Variants in SAP130 observed in about 807,000 individuals in gnomAD.
SAP130 encodes Sin3A associated protein 130, also known as histone deacetylase complex subunit SAP130.
In SAP130, 16 loss-of-function variants were observed where a neutral mutation model predicts 103.2. The observed-to-expected ratio is 0.16, with a 90% CI of 0.10 to 0.24. SAP130 has a LOEUF of 0.24. Among genes scored for constraint, SAP130 ranks in the 10% least tolerant of loss-of-function variants. SAP130 has a pLI of 1.00. For missense variants in SAP130, 990 were observed against 1,359.7 expected (o/e 0.73, Z 4.28); for synonymous variants, 477 against 497.0 (o/e 0.96, Z 0.53).
chr2:127,960,993 CTTT>C (rs772565129), intron 15 of SAP130, among the ~76,000 whole-genome samples: 8 of 137,220 alleles, frequency 5.8e-5, no homozygotes, highest in Non-Finnish European at 8.0e-5. Context: ...TTCTTTCTTT[CTTT>C]TTTTTTTTTT....
intron 15 of SAP130, among the ~76,000 whole-genome samples, chr2:127,960,618 T>C (rs1410074800): frequency 1.3e-5 from 2 of 152,222 alleles, no homozygotes; most frequent in African/African-American, 4.8e-5. Flanking sequence ...TTTTCCAATA[T>C]ATTAATTTTC....
chr2:127,956,225 GGA>G (rs1408071145), intron 15 of SAP130, among the ~76,000 whole-genome samples: 1 of 152,164 alleles, frequency 6.6e-6, no homozygotes, highest in Non-Finnish European at 1.5e-5. Context: ...AGGCGTGCCT[GGA>G]GAGGCCATGG....
At chr2:128,025,081 C>T (rs1280394606) in intron 2 of SAP130, among the ~76,000 whole-genome samples, 2 of 150,580 alleles carry the variant, frequency 1.3e-5, no homozygotes, top group African/African-American at 4.9e-5. Context: ...TAAGGAACAC[C>T]AGAATCCAGT....
intron 15 of SAP130, among the ~76,000 whole-genome samples, chr2:127,959,342 G>A (rs566107359): frequency 2.0e-5 from 3 of 152,302 alleles, no homozygotes; most frequent in African/African-American, 7.2e-5. Flanking sequence ...TTGGCATGAC[G>A]AAAATCCTGT....
intron 15 of SAP130, among the ~76,000 whole-genome samples, chr2:127,968,414 G>GTTTT (rs772856433): frequency 4.5e-5 from 6 of 133,958 alleles, no homozygotes; most frequent in Admixed American, 2.9e-4. Context: ...CCCGGAGTTG[G>GTTTT]TTTTTTTTTT....
rs1157586065 is a variant in SAP130, at chr2:128,016,449, G to A, written c.447C>T (p.Thr149=). The change falls in exon 4 of 21, where the codon ACC becomes ACT. Residue 149 remains threonine (T), a synonymous_variant. Transcript: ENST00000643581. ...PPKVPGQVTV[T]MESSIPQASA... ...AAGCTTGAGGGATGCTACTCTCCAT[G>A]GTAACGGTAACCTGCCCTGGAACCT... 6.2e-6 allele frequency: 10 copies of A among 1,613,954 alleles called. No homozygotes were observed. The highest frequency in any genetic ancestry group is 8.5e-6 in the Non-Finnish European group (10 of 1,180,002).
At chr2:127,974,710 G>A (rs747219281) in intron 15 of SAP130, among the ~76,000 whole-genome samples, 15 of 152,322 alleles carry the variant, frequency 9.8e-5, no homozygotes, top group East Asian at 1.9e-4. Context: ...CTACTCGGGA[G>A]GCTGAGGCAG....
chr2:128,027,157 G>A, intron 1 of SAP130: 1 of 1,302,558 alleles, frequency 7.7e-7, no homozygotes, highest in Non-Finnish European at 9.8e-7. Flanking sequence ...TGCCGCGGAG[G>A]GCCCATCTCG....
At chr2:127,976,681 G>A (rs1018468450) in intron 15 of SAP130, among the ~76,000 whole-genome samples, 2 of 152,246 alleles carry the variant, frequency 1.3e-5, no homozygotes, top group African/African-American at 4.8e-5. Flanking sequence ...GGAGGCCAAG[G>A]CGGGCGGTTC....
chr2:127,944,127 G>A (rs1344148624), intron 19 of SAP130, among the ~76,000 whole-genome samples: 1 of 151,938 alleles, frequency 6.6e-6, no homozygotes, highest in East Asian at 1.9e-4. Context: ...GGTCTTCCGG[G>A]CTCAAGAGTT....
In SAP130 at chr2:128,017,880, C is replaced by T; in HGVS notation, c.148G>A (p.Ala50Thr). Reference protein sequence around the residue: ...DESGRDSEVSAREHMSSSSSL... With the variant: ...DESGRDSEVSTREHMSSSSSL... ...CTGCTGGAACTCATGTGCTCCCTGGCACTGACTTCAGAATCTCGACCAGAT... is the reference window on the plus strand; with the variant it reads ...CTGCTGGAACTCATGTGCTCCCTGGTACTGACTTCAGAATCTCGACCAGAT... Residue 50 changes from alanine (A) to threonine (T), a missense_variant, in exon 3 of 21, where the codon GCC (alanine) becomes ACC (threonine). By Grantham distance (58) the Ala-to-Thr change is moderately conservative. Coordinates refer to ENST00000643581, the MANE Select transcript of SAP130 (RefSeq NM_001330301.2). The T allele has an allele frequency of 6.2e-7, 1 of 1,614,212 alleles. No homozygotes were observed. The highest frequency in any genetic ancestry group is 8.5e-7 in the Non-Finnish European group (1 of 1,180,026).
chr2:127,957,450 A>G (rs569351402), intron 15 of SAP130, among the ~76,000 whole-genome samples: 4 of 152,336 alleles, frequency 2.6e-5, no homozygotes, highest in Admixed American at 2.6e-4. Flanking sequence ...CATGGCAGGA[A>G]GATCGCTTGA....
At chr2:128,019,376 C>T (rs1684998022) in intron 2 of SAP130, among the ~76,000 whole-genome samples, 1 of 152,134 alleles carries the variant, frequency 6.6e-6, no homozygotes, top group South Asian at 2.1e-4. Context: ...TCAAGTGAGC[C>T]TCTGCCTCCG....
At chr2:128,008,483 C>T (rs1461139680) in intron 7 of SAP130, among the ~76,000 whole-genome samples, 3 of 150,970 alleles carry the variant, frequency 2.0e-5, no homozygotes, top group African/African-American at 4.9e-5. Flanking sequence ...CTCCCACTTC[C>T]GTCTCCAAGT....
At chr2:127,979,711 A>G (rs1037196121) in intron 14 of SAP130, among the ~76,000 whole-genome samples, 4 of 152,204 alleles carry the variant, frequency 2.6e-5, no homozygotes, top group African/African-American at 9.7e-5. Context: ...CCATAGGAAC[A>G]TGCTGAAATA....
In SAP130 at chr2:127,942,180, T is replaced by A; in HGVS notation, c.3016-16A>T. 1 of 1,575,478 alleles carries A rather than the reference T, an allele frequency of 6.3e-7. No individual in the cohort carries two copies. Among genetic ancestry groups the A allele is most frequent in the Non-Finnish European group, 8.6e-7 (1 of 1,165,678 alleles). On this transcript the variant is annotated splice_polypyrimidine_tract_variant and intron_variant, in intron 20 of 20. Transcript: ENST00000643581. The surrounding 1 kb of genome is among the most constrained non-coding windows in gnomAD (Gnocchi z 4.8). ...GCATATTTCCCTGAAACAGAAGACA[T>A]TGCATCATCAATCAGTGACCATGAG...
chr2:128,001,771 AG>A, intron 7 of SAP130, among the ~76,000 whole-genome samples: 1 of 152,266 alleles, frequency 6.6e-6, no homozygotes, highest in African/African-American at 2.4e-5. Context: ...TTGCATGTCA[AG>A]ACTGCCTAAC....
At chr2:127,995,092 T>A (rs1683079593) in intron 11 of SAP130, among the ~76,000 whole-genome samples, 1 of 152,146 alleles carries the variant, frequency 6.6e-6, no homozygotes, top group African/African-American at 2.4e-5. Flanking sequence ...AAACATGGAA[T>A]GGGGGAAGCG....
At chr2:127,987,018 A>C (rs1682452724) in intron 13 of SAP130, 56 bp from the exon 14 acceptor site, 1 of 1,477,508 alleles carries the variant, frequency 6.8e-7, no homozygotes, top group Non-Finnish European at 9.3e-7. Flanking sequence ...AAAATGCCAT[A>C]GAAGACATAA....
Sources: allele counts gnomAD v4.1 joint callset (sites outside exome capture counted in the v4.1 genomes callset), GRCh38; gene constraint gnomAD v4.1.1; non-coding constraint Gnocchi (gnomAD v3.1); transcripts MANE v1.5; gene names NCBI Gene and HGNC (gene_info 2026-07-23, HGNC 2026-07-21).